Variants in LRP1B observed in about 807,000 individuals in gnomAD.
The protein encoded by LRP1B is LDL receptor related protein 1B.
A neutral mutation model predicts 556.6 loss-of-function variants in LRP1B; 217 were observed. The observed-to-expected ratio is 0.39, with a 90% confidence interval of 0.35 to 0.44. LRP1B has a LOEUF of 0.44. Among genes scored for constraint, LRP1B ranks in the 20% least tolerant of loss-of-function variants. The pLI is 1.00. For missense variants in LRP1B, 5,053 were observed against 5,620.8 expected (o/e 0.90, Z 3.23); for synonymous variants, 2,047 against 1,865.8 (o/e 1.10, Z -2.50).
At chr2:140,302,773 G>T (rs557164065) in intron 83 of LRP1B, among the ~76,000 whole-genome samples, 1 of 152,074 alleles carries the variant, frequency 6.6e-6, no homozygotes, top group Non-Finnish European at 1.5e-5. Context: ...CAGAGCTCCT[G>T]GTTCTTGAGC....
At chr2:140,843,185 T>A (rs1040949658) in intron 29 of LRP1B, among the ~76,000 whole-genome samples, 1 of 149,570 alleles carries the variant, frequency 6.7e-6, no homozygotes, top group Admixed American at 6.7e-5. Context: ...AGACTCTTAA[T>A]AATATGGCCT....
intron 29 of LRP1B, among the ~76,000 whole-genome samples, chr2:140,846,368 C>T (rs758864666): frequency 2.6e-5 from 4 of 152,036 alleles, no homozygotes; most frequent in South Asian, 2.1e-4. Context: ...CCTCCCCTCA[C>T]GAAAGCCTGA....
intron 2 of LRP1B, among the ~76,000 whole-genome samples, chr2:141,735,476 G>C (rs915449686): frequency 8.8e-6 from 1 of 114,158 alleles, no homozygotes; most frequent in African/African-American, 3.4e-5. Flanking sequence ...TCAAGGCAAA[G>C]ATTTGAGTAA....
intron 35 of LRP1B, among the ~76,000 whole-genome samples, chr2:140,720,442 G>T (rs560016011): frequency 1.3e-5 from 2 of 151,976 alleles, no homozygotes; most frequent in East Asian, 1.9e-4. Flanking sequence ...AGGGAAATCG[G>T]CAGCCAGCTA....
chr2:140,943,627 A>T (rs546263376), intron 20 of LRP1B, among the ~76,000 whole-genome samples: 1 of 152,206 alleles, frequency 6.6e-6, no homozygotes, highest in South Asian at 2.1e-4. Context: ...TCTCAAAACC[A>T]CCCAATTACA....
At chr2:141,262,985 T>C (rs1373274701) in intron 3 of LRP1B, among the ~76,000 whole-genome samples, 1 of 151,950 alleles carries the variant, frequency 6.6e-6, no homozygotes, top group Non-Finnish European at 1.5e-5. Flanking sequence ...TTGGGGGATA[T>C]TGACATCTTA....
At chr2:141,741,844 A>G (rs1210737427) in intron 2 of LRP1B, among the ~76,000 whole-genome samples, 1 of 151,958 alleles carries the variant, frequency 6.6e-6, no homozygotes, top group Non-Finnish European at 1.5e-5. Flanking sequence ...TGCTTGTGGG[A>G]TATTGCGCAA....
chr2:141,331,387 C>G (rs1687638725), intron 3 of LRP1B, among the ~76,000 whole-genome samples: 1 of 152,164 alleles, frequency 6.6e-6, no homozygotes, highest in African/African-American at 2.4e-5. Flanking sequence ...CCTCAAGTCC[C>G]ATTGGGTTGA....
In LRP1B at chr2:140,990,571, AAT is replaced by A. The variant is rs566029649; in HGVS notation, c.2645-916_2645-915del. On this transcript the variant is annotated intron_variant, in intron 16 of 90. Coordinates refer to ENST00000389484, the MANE Select transcript of LRP1B (RefSeq NM_018557.3). ...GATTCTGTATTACTTAAAAAAAAAAAATCATCATGAGTTTTCTTCCCTAGTAC... is the reference window on the plus strand; with the variant it reads ...GATTCTGTATTACTTAAAAAAAAAAACATCATGAGTTTTCTTCCCTAGTAC... Among the ~76,000 whole-genome samples the A allele has an allele frequency of 4.3e-4, 65 of 152,098 alleles. 2 individuals are homozygous for A. In the South Asian group the frequency reaches 0.014, roughly 32 times the overall value.
chr2:140,650,935 G>A (rs1316103642), intron 41 of LRP1B, among the ~76,000 whole-genome samples: 1 of 152,134 alleles, frequency 6.6e-6, no homozygotes, highest in Non-Finnish European at 1.5e-5. Flanking sequence ...GAATAAACAT[G>A]TTAAAGTGAA....
intron 43 of LRP1B, among the ~76,000 whole-genome samples, chr2:140,560,153 A>G (rs1024563604): frequency 6.6e-6 from 1 of 152,096 alleles, no homozygotes; most frequent in African/African-American, 2.4e-5. Context: ...AATATCAAAT[A>G]AACCCAAATT....
At chr2:141,307,198 A>C (rs76551938) in intron 3 of LRP1B, among the ~76,000 whole-genome samples, 9,039 of 152,096 alleles carry the variant, frequency 0.059, 356 homozygotes, top group East Asian at 0.15. Flanking sequence ...TCATGCTGAG[A>C]GTAGGGTGTT....
chr2:141,917,478 C>T (rs1050198175), intron 1 of LRP1B, among the ~76,000 whole-genome samples: 1 of 152,218 alleles, frequency 6.6e-6, no homozygotes, highest in African/African-American at 2.4e-5. Flanking sequence ...TTTTCTGGAA[C>T]ATCACTCAAA....
chr2:141,764,223 C>G (rs1238732906), intron 2 of LRP1B, among the ~76,000 whole-genome samples: 2 of 152,192 alleles, frequency 1.3e-5, no homozygotes, highest in Admixed American at 6.5e-5. Context: ...CTCTCACGCC[C>G]AGGCTGGAGT....
At chr2:142,093,003 C>G (rs771064471) in intron 1 of LRP1B, among the ~76,000 whole-genome samples, 6 of 152,050 alleles carry the variant, frequency 3.9e-5, no homozygotes, top group African/African-American at 1.2e-4. Context: ...ATAGACCCTG[C>G]GTGATCTCCC....
chr2:141,055,611 A>G (rs370871799), intron 9 of LRP1B, among the ~76,000 whole-genome samples: 1 of 152,010 alleles, frequency 6.6e-6, no homozygotes, highest in South Asian at 2.1e-4. Flanking sequence ...ATGAATACAA[A>G]GATCCACAAA....
intron 1 of LRP1B, among the ~76,000 whole-genome samples, chr2:141,840,324 C>T (rs1477567015): frequency 3.1e-5 from 4 of 127,628 alleles, no homozygotes; most frequent in Non-Finnish European, 1.6e-5. Flanking sequence ...AGTGCAGTGG[C>T]GCCATCTCGG....
intron 1 of LRP1B, among the ~76,000 whole-genome samples, chr2:141,935,120 C>T (rs565021818): frequency 6.6e-6 from 1 of 152,172 alleles, no homozygotes; most frequent in Non-Finnish European, 1.5e-5. Flanking sequence ...CAAAATAAGA[C>T]AGAATTATAT....
chr2:140,756,277 C>T (rs1464039582), intron 35 of LRP1B, among the ~76,000 whole-genome samples: 1 of 151,922 alleles, frequency 6.6e-6, no homozygotes, highest in African/African-American at 2.4e-5. Flanking sequence ...CTACAGCTTC[C>T]TCACAATCTC....
Sources: allele counts gnomAD v4.1 joint callset (sites outside exome capture counted in the v4.1 genomes callset), GRCh38; gene constraint gnomAD v4.1.1; transcripts MANE v1.5; gene names NCBI Gene and HGNC (gene_info 2026-07-23, HGNC 2026-07-21).